The following ARMC7 variants were observed in gnomAD, a reference collection of about 807,000 sequenced individuals.
The protein encoded by ARMC7 is armadillo repeat-containing protein 7.
In ARMC7, 9 loss-of-function variants were observed where a neutral mutation model predicts 14.8. That is an observed-to-expected ratio of 0.61 (90% CI 0.37 to 1.06). The LOEUF (loss-of-function observed/expected upper bound fraction) is 1.06, where lower values mean the gene tolerates loss of function less well. Ranked by LOEUF, ARMC7 falls within the 50% of genes least tolerant of loss-of-function variation. The probability of loss-of-function intolerance (pLI) is 0.01; values close to 1 mark genes in which losing one functional copy is unlikely to be tolerated. For synonymous variants in ARMC7, 125 were observed against 123.4 expected, an observed-to-expected ratio of 1.01 and a Z score of -0.09; for missense variants, 262 against 267.1, an observed-to-expected ratio of 0.98 and a Z score of 0.13.
chr17:75,117,881 G>A (rs555363775), intron 2 of ARMC7, among the ~76,000 whole-genome samples: 16 of 152,248 alleles, frequency 1.1e-4, no homozygotes, highest in African/African-American at 3.9e-4. Flanking sequence ...AGCACTTTGG[G>A]AGGCTGAGGC....
At position 75,110,516 on chromosome 17, in the gene ARMC7, A is replaced by T. The variant is rs779534057; in HGVS notation, c.145A>T (p.Asn49Tyr). The T allele has an allele frequency of 7.4e-6, 12 of 1,614,184 alleles. No homozygotes were observed. Among genetic ancestry groups the T allele is most frequent in the Non-Finnish European group, 7.6e-6 (9 of 1,180,004 alleles). ...NLANFAYDPS[N>Y]YEYLRQLQVL... is the part of the protein sequence containing the mutation. ...CGCCAACTTCGCTTATGACCCCAGCAACTACGAGTATCTGCGGCAGCTGCA... is the reference window on the plus strand; with the variant it reads ...CGCCAACTTCGCTTATGACCCCAGCTACTACGAGTATCTGCGGCAGCTGCA... Residue 49 changes from asparagine to tyrosine, a missense_variant, in exon 2 of 3, where the codon AAC becomes TAC. Transcript: ENST00000245543.
chr17:75,119,741 G>T (rs1020831081), intron 2 of ARMC7, among the ~76,000 whole-genome samples: 3 of 151,396 alleles, frequency 2.0e-5, no homozygotes, highest in Non-Finnish European at 4.4e-5. Context: ...GATTACAGGC[G>T]TGAGCCACCA....
chr17:75,129,742 A>G lies in ARMC7; in HGVS notation c.*704A>G, dbSNP rs1239376908. ...CATCAAGCACAAGGCCATGCAGGTG[A>G]TGATACGTCGGAATAGAGGCACCAG... is the stretch of plus-strand genomic sequence containing the variant. On this transcript the variant is annotated 3_prime_UTR_variant, in exon 3 of 3. Coordinates refer to ENST00000245543, the MANE Select transcript of ARMC7 (RefSeq NM_024585.4). The G allele has an allele frequency of 6.6e-6, 1 of 152,506 alleles. No homozygotes were observed. The allele number at this position is 152,506 out of a possible 1,614,324, so 9.4% of individuals were successfully genotyped here.
chr17:75,130,159 G>T lies in ARMC7; in HGVS notation c.*1121G>T. The stretch of plus-strand genomic sequence containing the variant: ...GGGACCACTGGACTCAGAGGGGAGG[G>T]AAGGGCTCATCAGCACCCGCTCAGG... On this transcript the variant is annotated 3_prime_UTR_variant, in exon 3 of 3. Coordinates refer to ENST00000245543, the MANE Select transcript of ARMC7 (RefSeq NM_024585.4). 1 of 278,472 alleles carries T rather than the reference G, an allele frequency of 3.6e-6. No individual in the cohort carries two copies. Among genetic ancestry groups the T allele is most frequent in the South Asian group, 4.9e-5 (1 of 20,464 alleles). The allele number at this position is 278,472 out of a possible 1,614,324, so 17.3% of individuals were successfully genotyped here.
intron 2 of ARMC7, among the ~76,000 whole-genome samples, chr17:75,112,565 C>G (rs1488820978): frequency 7.1e-6 from 1 of 140,818 alleles, no homozygotes; most frequent in Non-Finnish European, 1.5e-5. Flanking sequence ...TCTTTTTATT[C>G]TCTTTTTCTT....
chr17:75,122,343 G>T (rs961770498), intron 2 of ARMC7, among the ~76,000 whole-genome samples: 1 of 151,488 alleles, frequency 6.6e-6, no homozygotes, highest in Non-Finnish European at 1.5e-5. Context: ...AAACAAAAAA[G>T]AATAATATCT....
intron 2 of ARMC7, 115 bp from the exon 3 acceptor site, chr17:75,128,562 C>T (rs2074070560): frequency 7.0e-7 from 1 of 1,430,830 alleles, no homozygotes; most frequent in Non-Finnish European, 9.3e-7. Context: ...CTTTGGATGC[C>T]TTGTGCTGGG....
At chr17:75,122,048 A>T (rs1282447684) in intron 2 of ARMC7, among the ~76,000 whole-genome samples, 1 of 152,030 alleles carries the variant, frequency 6.6e-6, no homozygotes, top group African/African-American at 2.4e-5. Context: ...AAAGAATAAC[A>T]TCTGGCCAGG....
chr17:75,119,535 G>A (rs979070716), intron 2 of ARMC7, among the ~76,000 whole-genome samples: 6 of 144,576 alleles, frequency 4.2e-5, no homozygotes, highest in Non-Finnish European at 3.0e-5. Context: ...TGCAAGCTCC[G>A]CCTCCCGGGT....
At position 75,110,508 on chromosome 17, in the gene ARMC7, A is replaced by AC; in HGVS notation, c.141dup (p.Ser48GlnfsTer24). 3.7e-6 allele frequency: 6 copies of AC among 1,613,964 alleles called. No homozygotes were observed. Among genetic ancestry groups the AC allele is most frequent in the Non-Finnish European group, 5.1e-6 (6 of 1,179,870 alleles). ...GCCAACCTCGCCAACTTCGCTTATG[A>AC]CCCCAGCAACTACGAGTATCTGCGG... On this transcript the variant is annotated frameshift_variant, in exon 2 of 3. Coordinates refer to ENST00000245543, the MANE Select transcript of ARMC7 (RefSeq NM_024585.4). LOFTEE classifies it high-confidence loss of function.
rs1047123938 is a variant in ARMC7, at chr17:75,110,086, G to T, written c.-203G>T. 1.7e-6 allele frequency: 1 copy of T among 578,672 alleles called. No homozygotes were observed. Among genetic ancestry groups the T allele is most frequent in the East Asian group, 3.0e-5 (1 of 33,610 alleles). 35.8% of individuals were successfully genotyped at this position (578,672 alleles called of 1,614,324 possible). A position where few individuals can be genotyped will look rare whatever the true frequency, so the allele number is the denominator to read the frequency against. On this transcript the variant is annotated 5_prime_UTR_variant, in exon 1 of 3. Transcript: ENST00000245543. The stretch of plus-strand genomic sequence containing the variant: ...CGATTTTCAAACGCAACTCCTACAG[G>T]ATTCTGAGACCCCGTCCCATCTCCC...
intron 2 of ARMC7, among the ~76,000 whole-genome samples, chr17:75,112,120 T>C (rs1375882539): frequency 6.8e-6 from 1 of 146,594 alleles, no homozygotes; most frequent in African/African-American, 2.8e-5. Context: ...GCAAAGGCCT[T>C]AAAACAGGAA....
At chr17:75,126,791 T>G (rs576180125) in intron 2 of ARMC7, among the ~76,000 whole-genome samples, 26 of 152,222 alleles carry the variant, frequency 1.7e-4, no homozygotes, top group African/African-American at 6.3e-4. Flanking sequence ...CGGGGCACAG[T>G]GGCTCATGCC....
intron 2 of ARMC7, among the ~76,000 whole-genome samples, chr17:75,127,651 A>C (rs1209584275): frequency 6.6e-6 from 1 of 152,274 alleles, no homozygotes; most frequent in Non-Finnish European, 1.5e-5. Context: ...GCTGGAGTGC[A>C]GTGGTGCGTT....
rs748045149 is a variant in ARMC7, at chr17:75,129,017, C to T, written c.576C>T (p.Ser192=). ...HSALGIPLPR[S]VAPRQR is the part of the protein sequence containing the mutation. ...CCCTGGGTATCCCACTGCCGAGGAG[C>T]GTGGCCCCACGGCAGCGCTGATCCA... Residue 192 remains serine (S), a synonymous_variant, in exon 3 of 3, where the codon AGC becomes AGT. Transcript: ENST00000245543. 2.3e-5 allele frequency: 36 copies of T among 1,597,998 alleles called. 1 individual carries two copies. The South Asian group carries it at 3.3e-4, about 15-fold the overall frequency.
In ARMC7 at chr17:75,128,946, T is replaced by TC. The variant is rs1406966053; in HGVS notation, c.511dup (p.Arg171ProfsTer67). The TC allele has an allele frequency of 4.4e-6, 7 of 1,604,088 alleles. No homozygotes were observed. Among genetic ancestry groups the TC allele is most frequent in the Non-Finnish European group, 5.1e-6 (6 of 1,179,142 alleles). Reference sequence around the variant, plus strand: ...ACAGATCTTCCTGGAGGACTTCTGCTCCCCCCGCCAGGTGGCCGAGGCCCG... The same window carrying TC: ...ACAGATCTTCCTGGAGGACTTCTGCTCCCCCCCGCCAGGTGGCCGAGGCCCG... On this transcript the variant is annotated frameshift_variant, in exon 3 of 3. Transcript: ENST00000245543. LOFTEE classifies it high-confidence loss of function.
Position 75,110,275 on chromosome 17 carries a change from C to G in ARMC7, c.-14C>G, listed in dbSNP as rs199703778. ...CCTCCCGCCCGTCCCTGGGGGTCCT[C>G]CGTCACCGCGGCCATGGCCCAGAAG... On this transcript the variant is annotated 5_prime_UTR_variant, in exon 1 of 3. Coordinates refer to ENST00000245543, the MANE Select transcript of ARMC7 (RefSeq NM_024585.4). 1 of 1,602,032 alleles carries G rather than the reference C, an allele frequency of 6.2e-7. No homozygotes were observed. Among genetic ancestry groups the G allele is most frequent in the South Asian group, 1.1e-5 (1 of 89,718 alleles).
At chr17:75,116,122 T>G (rs1005879926) in intron 2 of ARMC7, among the ~76,000 whole-genome samples, 1 of 152,156 alleles carries the variant, frequency 6.6e-6, no homozygotes, top group African/African-American at 2.4e-5. Context: ...CCAGGCAATG[T>G]CAGGTGGGGA....
At position 75,116,417 on chromosome 17, in the gene ARMC7, C is replaced by T. The variant is rs555820808; in HGVS notation, c.235+5811C>T. ...CCGAAGTGGGCAGATCACCGGAGGT[C>T]GGGAGTTCGAGACCAGCCTGACCAA... On this transcript the variant is annotated intron_variant, in intron 2 of 2. Coordinates refer to ENST00000245543, the MANE Select transcript of ARMC7 (RefSeq NM_024585.4). Among the ~76,000 whole-genome samples the T allele has an allele frequency of 3.3e-5, 5 of 152,244 alleles. No homozygotes were observed. In the East Asian group the frequency reaches 5.8e-4, roughly 18 times the overall value.
Sources: gnomAD v4.1 joint callset for allele counts (sites outside exome capture counted in the v4.1 genomes callset) on GRCh38, gnomAD v4.1.1 for gene constraint, MANE v1.5 for transcripts, NCBI Gene and HGNC (gene_info 2026-07-23, HGNC 2026-07-21) for gene names.